The following SGCG variants were observed in gnomAD, a reference collection of about 807,000 sequenced individuals.
The protein encoded by SGCG is gamma-sarcoglycan.
SGCG carries 26 observed loss-of-function variants against 29.3 expected under a neutral mutation model. That is an observed-to-expected ratio of 0.89 (90% CI 0.65 to 1.23). The LOEUF is 1.23. Ranked by LOEUF, SGCG falls within the 50% of genes most tolerant of loss-of-function variation. The pLI, the probability that SGCG is intolerant of heterozygous loss-of-function variation, is 0.00. For synonymous variants in SGCG, 145 were observed against 129.7 expected, an observed-to-expected ratio of 1.12 and a Z score of -0.80; for missense variants, 353 against 356.0, an observed-to-expected ratio of 0.99 and a Z score of 0.07.
chr13:23,213,281 C>T (rs932030579), intron 2 of SGCG, among the ~76,000 whole-genome samples: 1 of 152,086 alleles, frequency 6.6e-6, no homozygotes, highest in African/African-American at 2.4e-5. Context: ...TCAGACCAGC[C>T]TGGCCTACAT....
intron 3 of SGCG, among the ~76,000 whole-genome samples, chr13:23,239,015 T>G: frequency 6.6e-6 from 1 of 151,934 alleles, no homozygotes; most frequent in Non-Finnish European, 1.5e-5. Context: ...AACTGGCATC[T>G]CCAAAGAAGA....
At chr13:23,197,437 G>T (rs1877558102) in intron 1 of SGCG, among the ~76,000 whole-genome samples, 1 of 152,144 alleles carries the variant, frequency 6.6e-6, no homozygotes, top group Non-Finnish European at 1.5e-5. Flanking sequence ...AATTTTTCAG[G>T]AGTTTTCAGA....
upstream of SGCG, among the ~76,000 whole-genome samples, chr13:23,177,416 C>A (rs1342841253): frequency 6.6e-6 from 1 of 152,020 alleles, no homozygotes; most frequent in Non-Finnish European, 1.5e-5. Context: ...ATATGCTAAT[C>A]AGGATAAATC....
chr13:23,275,120 A>AATATATATATATATATATATATAT lies in SGCG; in HGVS notation c.386-4216_386-4215insTATATATATATATATATATATATA, dbSNP rs55873099. ...GGTAGGATAGTGTTCTAATGGATGG[A>AATATATATATATATATATATATAT]ATATATATATATATATATATATAGA... is the stretch of plus-strand genomic sequence containing the variant. On this transcript the variant is annotated intron_variant, in intron 4 of 7. Coordinates refer to ENST00000218867, the MANE Select transcript of SGCG (RefSeq NM_000231.3). 1.6e-3 allele frequency among the ~76,000 whole-genome samples: 210 copies of AATATATATATATATATATATATAT among 129,854 alleles called. 1 individual carries two copies. The highest frequency in any genetic ancestry group is 3.8e-3 in the East Asian group (16 of 4,250). The allele number at this position is 129,854 out of a possible 152,430, so 85.2% of individuals were successfully genotyped here.
intron 1 of SGCG, among the ~76,000 whole-genome samples, chr13:23,195,089 G>A (rs1457691969): frequency 6.6e-6 from 1 of 152,230 alleles, no homozygotes; most frequent in African/African-American, 2.4e-5. Context: ...CCAAGAGCTA[G>A]AGGAAATTTG....
intron 4 of SGCG, among the ~76,000 whole-genome samples, chr13:23,278,217 G>A (rs993301593): frequency 6.6e-6 from 1 of 152,150 alleles, no homozygotes; most frequent in East Asian, 2.0e-4. Flanking sequence ...GCCAAGGCTG[G>A]CGGATCACCT....
intron 2 of SGCG, among the ~76,000 whole-genome samples, chr13:23,232,383 A>G (rs554880412): frequency 2.0e-5 from 3 of 152,296 alleles, no homozygotes; most frequent in South Asian, 2.1e-4. Flanking sequence ...ACATATCTCT[A>G]TCCTAGAAAT....
chr13:23,227,223 C>T (rs541043234), intron 2 of SGCG, among the ~76,000 whole-genome samples: 18 of 150,874 alleles, frequency 1.2e-4, no homozygotes, highest in African/African-American at 3.9e-4. Flanking sequence ...TTGTGAAAAT[C>T]ATGTTTGTGA....
At chr13:23,314,737 C>T (rs1882743422) in intron 6 of SGCG, among the ~76,000 whole-genome samples, 1 of 152,114 alleles carries the variant, frequency 6.6e-6, no homozygotes, top group South Asian at 2.1e-4. Flanking sequence ...CAGGGACCTT[C>T]TACCTCAGTA....
chr13:23,195,875 G>A (rs1877483798), intron 1 of SGCG, among the ~76,000 whole-genome samples: 1 of 151,854 alleles, frequency 6.6e-6, no homozygotes. Context: ...GTTGGGATGA[G>A]TATGGTAAAT....
At chr13:23,312,128 C>G (rs56228922) in intron 6 of SGCG, among the ~76,000 whole-genome samples, 55,482 of 152,126 alleles carry the variant, frequency 0.36, 11,351 homozygotes, top group Non-Finnish European at 0.45. Flanking sequence ...GCAAATGAAA[C>G]AATGACAATT....
chr13:23,262,518 A>G (rs1013215563), intron 4 of SGCG, among the ~76,000 whole-genome samples: 1 of 152,026 alleles, frequency 6.6e-6, no homozygotes. Flanking sequence ...AAAAATTACT[A>G]CTATACCTAA....
At position 23,286,462 on chromosome 13, in the gene SGCG, A is replaced by G. The variant is rs960941233; in HGVS notation, c.505+6984A>G. ...CGGTAACCTTAACTTCACAAGATTAATATTCACTCTTGTGATGACTGACAA... is the reference window on the plus strand; with the variant it reads ...CGGTAACCTTAACTTCACAAGATTAGTATTCACTCTTGTGATGACTGACAA... On this transcript the variant is annotated intron_variant, in intron 5 of 7. Coordinates refer to ENST00000218867, the MANE Select transcript of SGCG (RefSeq NM_000231.3). 8.5e-5 allele frequency among the ~76,000 whole-genome samples: 13 copies of G among 152,350 alleles called. 3 individuals carry two copies. Among genetic ancestry groups the G allele is most frequent in the Admixed American group, 7.8e-4 (12 of 15,310 alleles).
intron 1 of SGCG, among the ~76,000 whole-genome samples, chr13:23,201,030 C>T (rs1246825772): frequency 6.6e-6 from 1 of 151,986 alleles, no homozygotes; most frequent in East Asian, 1.9e-4. Flanking sequence ...GGGCATGAGC[C>T]GATGCATGTT....
Position 23,203,964 on chromosome 13 carries a change from G to A in SGCG, c.195+75G>A, listed in dbSNP as rs938529597. 7 of 1,093,026 alleles carry A rather than the reference G, an allele frequency of 6.4e-6. No homozygotes were observed. In the South Asian group the frequency reaches 7.7e-5, roughly 12 times the overall value. 67.7% of individuals were successfully genotyped at this position (1,093,026 alleles called of 1,614,324 possible). ...TCACTTAGTCTGTATTGTATTGATA[G>A]GAGTTTCCTTTTGTAATTAACATTC... is the stretch of plus-strand genomic sequence containing the variant. On this transcript the variant is annotated intron_variant, in intron 2 of 7. Coordinates refer to ENST00000218867, the MANE Select transcript of SGCG (RefSeq NM_000231.3).
intron 6 of SGCG, among the ~76,000 whole-genome samples, chr13:23,318,901 CAGAT>C (rs2137524812): frequency 6.6e-6 from 1 of 152,350 alleles, no homozygotes; most frequent in South Asian, 2.1e-4. Flanking sequence ...TTCAAGGTCA[CAGAT>C]AGTTTGCCTG....
Position 23,316,337 on chromosome 13 carries a change from C to T in SGCG, c.579-4300C>T, listed in dbSNP as rs148085541. 8.5e-3 allele frequency among the ~76,000 whole-genome samples: 1,291 copies of T among 152,280 alleles called. 20 individuals are homozygous for T. The highest frequency in any genetic ancestry group is 0.03 in the African/African-American group (1,237 of 41,550). ...CTGTAGACTCATGGAATGCCTTATC[C>T]ACCATCATGGTATTCCACACAGCAT... is the stretch of plus-strand genomic sequence containing the variant. On this transcript the variant is annotated intron_variant, in intron 6 of 7. Coordinates refer to ENST00000218867, the MANE Select transcript of SGCG (RefSeq NM_000231.3).
intron 2 of SGCG, among the ~76,000 whole-genome samples, chr13:23,216,242 G>A (rs1039005561): frequency 7.2e-5 from 11 of 151,944 alleles, no homozygotes; most frequent in African/African-American, 2.4e-4. Context: ...TCTATACTAC[G>A]GGTGTATCTA....
At chr13:23,319,349 C>A (rs988547382) in intron 6 of SGCG, among the ~76,000 whole-genome samples, 5 of 151,494 alleles carry the variant, frequency 3.3e-5, no homozygotes, top group Non-Finnish European at 4.4e-5. Flanking sequence ...CCAGACCATG[C>A]ACATGGAGCT....
Sources: gnomAD v4.1 joint callset for allele counts (sites outside exome capture counted in the v4.1 genomes callset) on GRCh38, gnomAD v4.1.1 for gene constraint, MANE v1.5 for transcripts, NCBI Gene and HGNC (gene_info 2026-07-23, HGNC 2026-07-21) for gene names.